Variants in PTPRH observed in about 807,000 individuals in gnomAD.
PTPRH encodes the protein protein tyrosine phosphatase receptor type H, also known as receptor-type tyrosine-protein phosphatase H.
PTPRH carries 113 observed loss-of-function variants against 130.2 expected under a neutral mutation model. That is an observed-to-expected ratio of 0.87 (90% CI 0.75 to 1.01). The LOEUF (loss-of-function observed/expected upper bound fraction) is 1.01, where lower values mean the gene tolerates loss of function less well. Ranked by LOEUF, PTPRH falls within the 50% of genes least tolerant of loss-of-function variation. The pLI is 0.00. For missense variants in PTPRH, 1,430 were observed against 1,425.0 expected (o/e 1.00, Z -0.06); for synonymous variants, 556 against 577.9 (o/e 0.96, Z 0.54).
intron 10 of PTPRH, among the ~76,000 whole-genome samples, chr19:55,196,245 G>A (rs376374207): frequency 2.0e-5 from 3 of 151,980 alleles, no homozygotes; most frequent in African/African-American, 7.2e-5. Context: ...AAAATTAGCC[G>A]GGCGTGGTGG....
intron 13 of PTPRH, 39 bp downstream of exon 13, chr19:55,188,039 G>T (rs540302953): frequency 1.3e-6 from 2 of 1,552,728 alleles, no homozygotes; most frequent in African/African-American, 1.4e-5. Context: ...CTGGGCCACC[G>T]GAGGGAGACT....
In PTPRH at chr19:55,200,314, C is replaced by T. The variant is rs373526913; in HGVS notation, c.1342G>A (p.Gly448Arg). 39 of 1,614,036 alleles carry T rather than the reference C, an allele frequency of 2.4e-5. No homozygotes were observed. The highest frequency in any genetic ancestry group is 5.3e-5 in the African/African-American group (4 of 74,890). The change falls in exon 7 of 20, where the codon GGA becomes AGA. Residue 448 changes from glycine (G) to arginine (R), a missense_variant. Transcript: ENST00000376350. Reference protein sequence around the residue: ...TSVTAERLEPGTLYTFSVWAE... With the variant: ...TSVTAERLEPRTLYTFSVWAE... ...CATACAGAGAATGTGTACAAGGTTC[C>T]GGGCTCAAGTCTCTCAGCTGTCACA...
At position 55,203,828 on chromosome 19, in the gene PTPRH, C is replaced by G; in HGVS notation, c.840G>C (p.Glu280Asp). Residue 280 changes from glutamate to aspartate, a missense_variant, in exon 5 of 20, where the codon GAG (glutamate) becomes GAC (aspartate). Coordinates refer to ENST00000376350, the MANE Select transcript of PTPRH (RefSeq NM_002842.5). ...CCACAGAGCTATTTACTCCGTCTTT[C>G]TCCACCCACACAGAACACGTATACA... is the stretch of plus-strand genomic sequence containing the variant. Reference protein sequence around the residue: ...GSLYTCSVWVEKDGVNSSVEI... With the variant: ...GSLYTCSVWVDKDGVNSSVEI... 1 of 1,613,664 alleles carries G rather than the reference C, an allele frequency of 6.2e-7. No individual in the cohort carries two copies. The highest frequency in any genetic ancestry group is 1.1e-5 in the South Asian group (1 of 91,080).
chr19:55,187,442 G>T, intron 14 of PTPRH, 71 bp downstream of exon 14: 1 of 1,245,154 alleles, frequency 8.0e-7, no homozygotes, highest in South Asian at 1.3e-5. Flanking sequence ...AAGCGGGTAG[G>T]AGAAGGGGAC....
In PTPRH at chr19:55,205,612, G is replaced by A. The variant is rs1310464461; in HGVS notation, c.353-20C>T. 18 of 1,612,598 alleles carry A rather than the reference G, an allele frequency of 1.1e-5. No homozygotes were observed. The highest frequency in any genetic ancestry group is 1.5e-5 in the Non-Finnish European group (18 of 1,179,142). On this transcript the variant is annotated intron_variant, in intron 3 of 19. Coordinates refer to ENST00000376350, the MANE Select transcript of PTPRH (RefSeq NM_002842.5). ...TGGGAGCTGAAAACCAGCACAGGAG[G>A]GAAAATCAGTTGTAGTTTCTGGCCC...
intron 10 of PTPRH, among the ~76,000 whole-genome samples, chr19:55,195,297 C>T (rs1600031439): frequency 6.6e-6 from 1 of 151,942 alleles, no homozygotes; most frequent in East Asian, 1.9e-4. Flanking sequence ...TGCACTCCAG[C>T]CTGGGCGACA....
chr19:55,203,990 C>G lies in PTPRH; in HGVS notation c.678G>C (p.Leu226=). The part of the protein sequence containing the change: ...VEAQTTSSIS[L]SWEVPDGTDP... ...CTGTGCCATCGGGGACCTCCCAGCT[C>G]AGGGAGATGGAGCTGGTGGTCTGAG... The change falls in exon 5 of 20, where the codon CTG becomes CTC. Residue 226 remains leucine, a synonymous_variant. Transcript: ENST00000376350. The G allele has an allele frequency of 6.2e-7, 1 of 1,614,196 alleles. No homozygotes were observed. The highest frequency in any genetic ancestry group is 8.5e-7 in the Non-Finnish European group (1 of 1,180,010).
At chr19:55,193,410 A>T (rs922179943) in intron 10 of PTPRH, among the ~76,000 whole-genome samples, 1 of 152,144 alleles carries the variant, frequency 6.6e-6, no homozygotes. Flanking sequence ...AGCCTGGGCA[A>T]CAGAGTGAGA....
In PTPRH at chr19:55,196,559, G is replaced by A. The variant is rs569681497; in HGVS notation, c.2220C>T (p.Val740=). ...TITTIWDGMK[V]VSHSVVCHTE... ...TGTGGCAGACCACAGAGTGAGACAC[G>A]ACCTTCATTCCGTCCCAGATGGTCG... is the stretch of plus-strand genomic sequence containing the variant. The change falls in exon 10 of 20, where the codon GTC becomes GTT. Residue 740 remains valine, a synonymous_variant. Transcript: ENST00000376350. The A allele has an allele frequency of 2.7e-5, 44 of 1,613,268 alleles. No homozygotes were observed. The highest frequency in any genetic ancestry group is 4.0e-5 in the African/African-American group (3 of 74,922).
intron 8 of PTPRH, 28 bp from the exon 9 acceptor site, chr19:55,197,444 G>A: frequency 1.3e-6 from 2 of 1,592,152 alleles, no homozygotes; most frequent in Non-Finnish European, 1.7e-6. Flanking sequence ...AGGCCTAAGG[G>A]GGTATCCTCG....
intron 10 of PTPRH, 129 bp from the exon 11 acceptor site, chr19:55,191,870 G>A (rs760339236): frequency 1.6e-5 from 12 of 769,432 alleles, no homozygotes; most frequent in Non-Finnish European, 2.4e-5. Context: ...AACATCACAC[G>A]GTGTGAATTG....
At position 55,182,123 on chromosome 19, in the gene PTPRH, T is replaced by C. The variant is rs200855701; in HGVS notation, c.3091A>G (p.Ile1031Val). The change falls in exon 19 of 20, where the codon ATT becomes GTT. Residue 1031 changes from isoleucine to valine, a missense_variant. Physicochemically the swap from Ile to Val is conservative, Grantham distance 29. Transcript: ENST00000376350. ...SAGVGRTGTL[I>V]ALDVLLRQLQ... is the part of the protein sequence containing the mutation. ...TGCCGGAGCAGGACGTCCAGGGCAATGAGGGTTCCTGTGCGACCCACGCCA... is the reference window on the plus strand; with the variant it reads ...TGCCGGAGCAGGACGTCCAGGGCAACGAGGGTTCCTGTGCGACCCACGCCA... 20 of 1,613,904 alleles carry C rather than the reference T, an allele frequency of 1.2e-5. No individual in the cohort carries two copies. Among genetic ancestry groups the C allele is most frequent in the Admixed American group, 1.2e-4 (7 of 60,016 alleles).
At chr19:55,187,293 C>T (rs373330426) in intron 14 of PTPRH, among the ~76,000 whole-genome samples, 29 of 114,942 alleles carry the variant, frequency 2.5e-4, no homozygotes, top group Admixed American at 1.1e-3. Context: ...TGCAGTGAGC[C>T]GAGATCGCGC....
intron 18 of PTPRH, 33 bp from the exon 19 acceptor site, chr19:55,182,184 G>A (rs1443454491): frequency 4.4e-6 from 7 of 1,606,900 alleles, no homozygotes; most frequent in Non-Finnish European, 5.9e-6. Context: ...CAGACCAAGG[G>A]GCAGGAGTGT....
At chr19:55,190,797 G>A (rs1043164357) in intron 12 of PTPRH, among the ~76,000 whole-genome samples, 2 of 149,746 alleles carry the variant, frequency 1.3e-5, no homozygotes, top group Non-Finnish European at 1.5e-5. Flanking sequence ...GCCTGGCCCT[G>A]TCTGAAAGTT....
intron 16 of PTPRH, 114 bp downstream of exon 16, chr19:55,186,111 A>C: frequency 6.4e-7 from 1 of 1,573,020 alleles, no homozygotes; most frequent in African/African-American, 1.3e-5. Flanking sequence ...TACACTGAAG[A>C]CGCCTGGGGT....
chr19:55,194,250 C>T (rs2086623452), intron 10 of PTPRH: 1 of 1,289,586 alleles, frequency 7.8e-7, no homozygotes, highest in East Asian at 5.5e-5. Flanking sequence ...AGCCTATGGC[C>T]CATCTTCATC....
chr19:55,203,622 A>G (rs2086943004), intron 5 of PTPRH, among the ~76,000 whole-genome samples, 160 bp downstream of exon 5: 1 of 151,842 alleles, frequency 6.6e-6, no homozygotes, highest in Admixed American at 6.6e-5. Context: ...GTTTCTTTGT[A>G]CTTATTTTTA....
At position 55,188,065 on chromosome 19, in the gene PTPRH, G is replaced by A. The variant is rs1289887792; in HGVS notation, c.2475+13C>T. On this transcript the variant is annotated intron_variant, in intron 13 of 19. Transcript: ENST00000376350. The stretch of plus-strand genomic sequence containing the variant: ...GAGGGAGACTGAGCTCAGCCCCTCT[G>A]TCCTCTCCCCACCTGGTACTCGTCT... The A allele has an allele frequency of 1.2e-6, 2 of 1,607,948 alleles. No homozygotes were observed. The highest frequency in any genetic ancestry group is 8.5e-7 in the Non-Finnish European group (1 of 1,174,574).
Sources: gnomAD v4.1 joint callset for allele counts (sites outside exome capture counted in the v4.1 genomes callset) on GRCh38, gnomAD v4.1.1 for gene constraint, MANE v1.5 for transcripts, NCBI Gene and HGNC (gene_info 2026-07-23, HGNC 2026-07-21) for gene names.